NFKBIL1: variants seen among roughly 807,000 people sequenced by gnomAD.
The protein encoded by NFKBIL1 is NFKB inhibitor like 1.
In NFKBIL1, 30 loss-of-function variants were observed where a neutral mutation model predicts 45.4. The observed-to-expected ratio is 0.66, with a 90% CI of 0.49 to 0.90. The LOEUF (loss-of-function observed/expected upper bound fraction) is 0.90. Ranked by LOEUF, NFKBIL1 falls within the 40% of genes least tolerant of loss-of-function variation. The pLI, the probability that NFKBIL1 is intolerant of heterozygous loss-of-function variation, is 0.00. For synonymous variants in NFKBIL1, 179 were observed against 197.3 expected (o/e 0.91, Z 0.78); for missense variants, 434 against 513.4 (o/e 0.85, Z 1.49).
At position 31,557,398 on chromosome 6, in the gene NFKBIL1, G is replaced by A. The variant is rs760292825; in HGVS notation, c.335-230G>A. On this transcript the variant is annotated intron_variant, in intron 2 of 3. Transcript: ENST00000376148. The surrounding 1 kb of genome is among the most constrained non-coding windows in gnomAD (Gnocchi z 5.4). ...GCTGGGATTACAGGCGTGAGCCACC[G>A]CGCCTGGCCGAGAATATTTTAAACT... 1.3e-5 allele frequency among the ~76,000 whole-genome samples: 2 copies of A among 152,112 alleles called. No homozygotes were observed. The highest frequency in any genetic ancestry group is 4.8e-5 in the African/African-American group (2 of 41,404).
intron 2 of NFKBIL1, among the ~76,000 whole-genome samples, chr6:31,554,077 A>C (rs1402944654): frequency 1.3e-5 from 2 of 152,266 alleles, no homozygotes; most frequent in Admixed American, 6.5e-5. Context: ...TGAAATAAAA[A>C]GTCAGAAAAT....
chr6:31,556,183 G>C (rs1769729672), intron 2 of NFKBIL1, among the ~76,000 whole-genome samples: 1 of 151,306 alleles, frequency 6.6e-6, no homozygotes, highest in Non-Finnish European at 1.5e-5. Flanking sequence ...GGTGGGACAA[G>C]TTGAGAGGGT....
chr6:31,555,905 C>A (rs904394437), intron 2 of NFKBIL1, among the ~76,000 whole-genome samples: 3 of 150,760 alleles, frequency 2.0e-5, no homozygotes, highest in South Asian at 2.1e-4. Context: ...ATTGTCCCCC[C>A]CCCCCAGCCT....
chr6:31,556,687 C>T (rs752252693), intron 2 of NFKBIL1: 5 of 457,184 alleles, frequency 1.1e-5, no homozygotes, highest in Non-Finnish European at 8.8e-6. Flanking sequence ...CTCCCTTTCC[C>T]CTGCCCTAGG....
intron 2 of NFKBIL1, among the ~76,000 whole-genome samples, chr6:31,554,696 T>C (rs1231054281): frequency 3.9e-5 from 6 of 152,264 alleles, no homozygotes; most frequent in Non-Finnish European, 8.8e-5. Flanking sequence ...CACTTGTATA[T>C]TGGCACAAAC....
Position 31,558,189 on chromosome 6 carries a change from G to C in NFKBIL1, c.724G>C (p.Glu242Gln). The change falls in exon 4 of 4, where the codon GAG (glutamate) becomes CAG (glutamine). Residue 242 changes from glutamate to glutamine, a missense_variant. This residue lies in a region of NFKBIL1 where 128 missense variants were observed against 106.5 expected (regional missense o/e 1.20). Coordinates refer to ENST00000376148, the MANE Select transcript of NFKBIL1 (RefSeq NM_005007.4). The surrounding 1 kb of genome is among the most constrained non-coding windows in gnomAD (Gnocchi z 7.2). Reference protein sequence around the residue: ...SSQSWRQQEEEQRLFRERARA... With the variant: ...SSQSWRQQEEQQRLFRERARA... Reference sequence around the variant, plus strand: ...CCAGAGCTGGCGACAGCAGGAGGAGGAGCAGCGGCTCTTCAGGGAGCGAGC... The same window carrying C: ...CCAGAGCTGGCGACAGCAGGAGGAGCAGCAGCGGCTCTTCAGGGAGCGAGC... The C allele has an allele frequency of 6.2e-7, 1 of 1,607,922 alleles. No homozygotes were observed. The highest frequency in any genetic ancestry group is 8.5e-7 in the Non-Finnish European group (1 of 1,177,872).
intron 2 of NFKBIL1, among the ~76,000 whole-genome samples, chr6:31,553,978 A>C (rs1288784776): frequency 6.6e-6 from 1 of 152,154 alleles, no homozygotes; most frequent in Admixed American, 6.5e-5. Flanking sequence ...TTAATTTCTA[A>C]AAATAAAAAT....
chr6:31,553,073 G>A (rs992116388), intron 2 of NFKBIL1, among the ~76,000 whole-genome samples: 18 of 136,552 alleles, frequency 1.3e-4, no homozygotes, highest in Middle Eastern at 4.2e-3. Context: ...ACAGAGTCTC[G>A]CTGTGTCACC....
intron 2 of NFKBIL1, among the ~76,000 whole-genome samples, chr6:31,551,977 A>G (rs1424429937): frequency 6.6e-6 from 1 of 151,714 alleles, no homozygotes; most frequent in Non-Finnish European, 1.5e-5. Context: ...TTGTATTTTT[A>G]ATAGAGATGG....
In NFKBIL1 at chr6:31,557,407, C is replaced by T. The variant is rs3093949; in HGVS notation, c.335-221C>T. Among the ~76,000 whole-genome samples, 56,347 of 151,980 alleles carry T rather than the reference C, an allele frequency of 0.37. 10,732 individuals carry two copies. Among genetic ancestry groups the T allele is most frequent in the East Asian group, 0.47 (2,431 of 5,164 alleles). On this transcript the variant is annotated intron_variant, in intron 2 of 3. Coordinates refer to ENST00000376148, the MANE Select transcript of NFKBIL1 (RefSeq NM_005007.4). The surrounding 1 kb of genome is among the most constrained non-coding windows in gnomAD (Gnocchi z 5.4). ...ACAGGCGTGAGCCACCGCGCCTGGC[C>T]GAGAATATTTTAAACTACCACACTT...
intron 2 of NFKBIL1, among the ~76,000 whole-genome samples, chr6:31,552,766 G>A (rs1769507036): frequency 7.7e-6 from 1 of 129,154 alleles, no homozygotes; most frequent in Admixed American, 9.0e-5. Flanking sequence ...GTGCAGTAGT[G>A]TGATCTCGGC....
intron 2 of NFKBIL1, among the ~76,000 whole-genome samples, chr6:31,550,220 G>A (rs544031329): frequency 2.0e-5 from 3 of 151,778 alleles, no homozygotes; most frequent in East Asian, 1.9e-4. Flanking sequence ...AAAAAGAGTG[G>A]TGGAAGCAGC....
At chr6:31,554,535 G>T (rs1769609525) in intron 2 of NFKBIL1, among the ~76,000 whole-genome samples, 1 of 151,982 alleles carries the variant, frequency 6.6e-6, no homozygotes, top group Non-Finnish European at 1.5e-5. Context: ...AGTGGATAAA[G>T]AATATGAGCA....
Position 31,558,303 on chromosome 6 carries a change from G to T in NFKBIL1, c.838G>T (p.Gly280Trp). 6.3e-7 allele frequency: 1 copy of T among 1,580,350 alleles called. No homozygotes were observed. Among genetic ancestry groups the T allele is most frequent in the African/African-American group, 1.3e-5 (1 of 74,344 alleles). ...GDREPKPTRA[G>W]PREEHPRGAG... ...CCGAGAACCCAAGCCAACCAGGGCC[G>T]GGCCCAGGGAAGAGCACCCCAGAGG... The change falls in exon 4 of 4, where the codon GGG (glycine) becomes TGG (tryptophan). Residue 280 changes from glycine (G) to tryptophan (W), a missense_variant. Around this residue, in one of 4 missense-constraint regions of NFKBIL1, gnomAD observed 128 missense variants for 106.5 expected, o/e 1.20. Transcript: ENST00000376148. This position sits in a 1 kb window ranked among gnomAD's most constrained non-coding sequence, Gnocchi z 7.2.
upstream of NFKBIL1, chr6:31,547,472 A>C: frequency 2.4e-6 from 1 of 408,980 alleles, no homozygotes; most frequent in East Asian, 3.6e-5. Context: ...TAAGTTCCCT[A>C]GTTTCCCCTG....
chr6:31,549,048 T>G (rs1280599026), intron 2 of NFKBIL1, among the ~76,000 whole-genome samples: 2 of 152,076 alleles, frequency 1.3e-5, no homozygotes, highest in Non-Finnish European at 2.9e-5. Flanking sequence ...ATGGACTAGA[T>G]AGAGTGTCCA....
upstream of NFKBIL1, chr6:31,546,911 GAGA>G (rs778912635): frequency 1.7e-5 from 5 of 294,572 alleles, no homozygotes; most frequent in South Asian, 8.4e-5. This position sits in a 1 kb window ranked among gnomAD's most constrained non-coding sequence, Gnocchi z 4.1. Flanking sequence ...ACTGAGGTGA[GAGA>G]AGGAGAACTT....
intron 1 of NFKBIL1, 105 bp from the exon 2 acceptor site, chr6:31,548,058 A>G (rs550324680): frequency 1.4e-6 from 2 of 1,462,250 alleles, no homozygotes; most frequent in South Asian, 2.4e-5. Context: ...GAAGATATTA[A>G]AAAAAGACGG....
intron 2 of NFKBIL1, chr6:31,556,709 T>G (rs1258162283): frequency 2.2e-6 from 1 of 457,106 alleles, no homozygotes; most frequent in African/African-American, 2.0e-5. Flanking sequence ...CAGCAGTCAT[T>G]TGGAAAGAGC....
Sources: gnomAD v4.1 joint callset for allele counts (sites outside exome capture counted in the v4.1 genomes callset) on GRCh38, gnomAD v4.1.1 for gene constraint, gnomAD v4.1.1 regional missense constraint, Gnocchi (gnomAD v3.1) non-coding constraint, MANE v1.5 for transcripts, NCBI Gene and HGNC (gene_info 2026-07-23, HGNC 2026-07-21) for gene names.